CTNNA3: variants seen among roughly 807,000 people sequenced by gnomAD.
The protein encoded by CTNNA3 is catenin alpha-3.
CTNNA3 carries 76 observed loss-of-function variants against 95.7 expected under a neutral mutation model. The ratio of observed to expected loss-of-function variants is 0.79; its 90% CI spans 0.66 to 0.96. The LOEUF is 0.96. CTNNA3 is among the 40% of genes least tolerant of loss of function. The probability of loss-of-function intolerance (pLI) is 0.00; values close to 1 mark genes in which losing one functional copy is unlikely to be tolerated. For missense variants in CTNNA3, 1,191 were observed against 1,089.8 expected, an observed-to-expected ratio of 1.09 and a Z score of -1.31; for synonymous variants, 431 against 374.4, an observed-to-expected ratio of 1.15 and a Z score of -1.74.
chr10:67,674,157 T>C (rs1465592784), intron 1 of CTNNA3, among the ~76,000 whole-genome samples: 1 of 152,006 alleles, frequency 6.6e-6, no homozygotes, highest in Non-Finnish European at 1.5e-5. Context: ...TATTTGGAGA[T>C]AGGTCCGTTA....
chr10:67,670,184 C>T (rs763219826), intron 1 of CTNNA3, among the ~76,000 whole-genome samples: 2 of 152,180 alleles, frequency 1.3e-5, no homozygotes, highest in Non-Finnish European at 2.9e-5. Flanking sequence ...CACTCAGTCA[C>T]TGAGGCTATA....
chr10:66,202,414 G>C (rs184004965), intron 13 of CTNNA3, among the ~76,000 whole-genome samples: 4 of 152,314 alleles, frequency 2.6e-5, no homozygotes, highest in South Asian at 2.1e-4. Flanking sequence ...CAATCTGGCT[G>C]TTTCTGTACC....
intron 10 of CTNNA3, among the ~76,000 whole-genome samples, chr10:66,568,138 C>T (rs1175204078): frequency 6.6e-6 from 1 of 152,070 alleles, no homozygotes; most frequent in Non-Finnish European, 1.5e-5. Flanking sequence ...CAAAAGAGAG[C>T]ATAAAGAAGA....
chr10:66,026,670 A>G (rs1318983722), intron 15 of CTNNA3, among the ~76,000 whole-genome samples: 2 of 152,130 alleles, frequency 1.3e-5, no homozygotes, highest in East Asian at 3.9e-4. Flanking sequence ...GAGTTTCTTC[A>G]TTTTAATATT....
chr10:66,859,856 G>A (rs1464912757), intron 7 of CTNNA3, among the ~76,000 whole-genome samples: 5 of 131,078 alleles, frequency 3.8e-5, no homozygotes, highest in East Asian at 3.9e-4. Context: ...ATGAGTTCAT[G>A]TCCTTTGTAG....
chr10:67,408,764 C>G (rs1845242339), intron 5 of CTNNA3, among the ~76,000 whole-genome samples: 2 of 149,286 alleles, frequency 1.3e-5, no homozygotes, highest in African/African-American at 4.9e-5. Context: ...AGAGCTTCTG[C>G]ACAGCAAAAG....
intron 13 of CTNNA3, among the ~76,000 whole-genome samples, chr10:66,198,054 C>T (rs989480817): frequency 2.8e-4 from 42 of 152,086 alleles, no homozygotes; most frequent in Non-Finnish European, 5.4e-4. Context: ...CAGATAGAGA[C>T]TAACTGTACA....
At chr10:66,040,736 T>C (rs2848697) in intron 15 of CTNNA3, among the ~76,000 whole-genome samples, 1 of 151,568 alleles carries the variant, frequency 6.6e-6, no homozygotes, top group Non-Finnish European at 1.5e-5. Context: ...AGGGTGGAGG[T>C]TGGGAGGAGG....
Position 66,538,024 on chromosome 10 carries a change from A to G in CTNNA3, c.1375-17251T>C, listed in dbSNP as rs558033750. Reference sequence around the variant, plus strand: ...TACATGGCATAACTTCCCTATCATGAAGTAGTAAAGAATCAATCATAGATA... The same window carrying G: ...TACATGGCATAACTTCCCTATCATGGAGTAGTAAAGAATCAATCATAGATA... On this transcript the variant is annotated intron_variant, in intron 10 of 17. Transcript: ENST00000433211. Among the ~76,000 whole-genome samples, 8 of 152,312 alleles carry G rather than the reference A, an allele frequency of 5.3e-5. No homozygotes were observed. In the South Asian group the frequency reaches 1.7e-3, roughly 32 times the overall value.
intron 5 of CTNNA3, among the ~76,000 whole-genome samples, chr10:67,508,743 T>C (rs1397958982): frequency 6.6e-6 from 1 of 152,158 alleles, no homozygotes; most frequent in African/African-American, 2.4e-5. Flanking sequence ...AATAAAATGT[T>C]TGCAGACCAT....
At chr10:66,807,995 T>C (rs1841722481) in intron 7 of CTNNA3, among the ~76,000 whole-genome samples, 1 of 152,138 alleles carries the variant, frequency 6.6e-6, no homozygotes, top group Non-Finnish European at 1.5e-5. Flanking sequence ...AATTTAGTTA[T>C]TTTATTGTAT....
intron 2 of CTNNA3, among the ~76,000 whole-genome samples, chr10:67,631,353 G>C (rs1347725033): frequency 6.6e-6 from 1 of 152,056 alleles, no homozygotes; most frequent in Admixed American, 6.6e-5. Flanking sequence ...GAAGAATTTG[G>C]TAACCATAAA....
intron 17 of CTNNA3, among the ~76,000 whole-genome samples, chr10:65,947,432 T>C (rs2077535478): frequency 6.6e-6 from 1 of 152,166 alleles, no homozygotes; most frequent in Non-Finnish European, 1.5e-5. Flanking sequence ...ACGACTATTA[T>C]TAATAATAAT....
At chr10:67,252,067 C>T (rs574181596) in intron 5 of CTNNA3, among the ~76,000 whole-genome samples, 4 of 151,974 alleles carry the variant, frequency 2.6e-5, no homozygotes, top group East Asian at 3.9e-4. Flanking sequence ...AAAAATTAAC[C>T]GGGCATGGTG....
intron 5 of CTNNA3, among the ~76,000 whole-genome samples, chr10:67,222,152 C>T (rs1430833385): frequency 6.6e-6 from 1 of 152,098 alleles, no homozygotes; most frequent in Non-Finnish European, 1.5e-5. Context: ...TAGTTCCTTC[C>T]CTTCTGAAAA....
chr10:66,185,937 CTA>C (rs375359973), intron 13 of CTNNA3, among the ~76,000 whole-genome samples: 6 of 151,008 alleles, frequency 4.0e-5, no homozygotes, highest in African/African-American at 1.2e-4. Context: ...CTCTCTCTCT[CTA>C]TATATATATA....
At chr10:67,646,956 AC>A (rs1564806966) in intron 2 of CTNNA3, among the ~76,000 whole-genome samples, 1 of 151,952 alleles carries the variant, frequency 6.6e-6, no homozygotes. Flanking sequence ...CTTTTCTCAT[AC>A]ATTTTAGTAT....
At chr10:67,747,968 C>G (rs901659794) in intron 1 of CTNNA3, among the ~76,000 whole-genome samples, 1 of 152,102 alleles carries the variant, frequency 6.6e-6, no homozygotes, top group Non-Finnish European at 1.5e-5. Flanking sequence ...ATACAAGTAT[C>G]GATAGCTGAA....
chr10:67,419,335 C>T (rs1222204172), intron 5 of CTNNA3, among the ~76,000 whole-genome samples: 1 of 151,788 alleles, frequency 6.6e-6, no homozygotes, highest in African/African-American at 2.4e-5. Flanking sequence ...TTTTTTCTTC[C>T]AATTTTCTTA....
Sources: allele counts gnomAD v4.1 joint callset (sites outside exome capture counted in the v4.1 genomes callset), GRCh38; gene constraint gnomAD v4.1.1; transcripts MANE v1.5; gene names NCBI Gene and HGNC (gene_info 2026-07-23, HGNC 2026-07-21).